CCDC102B: variants seen among roughly 807,000 people sequenced by gnomAD.
The protein encoded by CCDC102B is coiled-coil domain-containing protein 102B.
In CCDC102B, 75 loss-of-function variants were observed where a neutral mutation model predicts 57.4. The observed-to-expected ratio is 1.31, with a 90% CI of 1.08 to 1.58. The LOEUF (loss-of-function observed/expected upper bound fraction) is 1.58, where lower values mean the gene tolerates loss of function less well. CCDC102B is among the 40% of genes most tolerant of loss of function. The probability of loss-of-function intolerance (pLI) is 0.00; values close to 1 mark genes in which losing one functional copy is unlikely to be tolerated. For missense variants in CCDC102B, 636 were observed against 582.6 expected, an observed-to-expected ratio of 1.09 and a Z score of -0.94; for synonymous variants, 206 against 201.9, an observed-to-expected ratio of 1.02 and a Z score of -0.17.
At chr18:68,865,626 A>G (rs62097624) in intron 4 of CCDC102B, among the ~76,000 whole-genome samples, 54,193 of 151,964 alleles carry the variant, frequency 0.36, 10,346 homozygotes, top group East Asian at 0.62. Flanking sequence ...CGCTTTTCAA[A>G]TGAAGGGCAT....
chr18:68,789,861 CGTTGCTGGTGAGGAACTGCGT>C (rs1282469389), intron 2 of CCDC102B, among the ~76,000 whole-genome samples: 1 of 151,796 alleles, frequency 6.6e-6, no homozygotes, highest in Admixed American at 6.6e-5. Context: ...AGCTTTGTTC[CGTTGCTGGTGAGGAACTGCGT>C]TCCTTTGGAG....
chr18:68,923,093 A>G (rs1260404986), intron 6 of CCDC102B, among the ~76,000 whole-genome samples: 1 of 151,860 alleles, frequency 6.6e-6, no homozygotes, highest in Non-Finnish European at 1.5e-5. Context: ...ACTGCCTTCT[A>G]CTCCAAAAAA....
intron 6 of CCDC102B, among the ~76,000 whole-genome samples, chr18:68,994,417 T>C (rs2050959896): frequency 6.6e-6 from 1 of 152,082 alleles, no homozygotes; most frequent in Non-Finnish European, 1.5e-5. Flanking sequence ...GGACACACTC[T>C]CATACCCATT....
At chr18:68,856,315 C>T (rs535470681) in intron 4 of CCDC102B, among the ~76,000 whole-genome samples, 2 of 151,972 alleles carry the variant, frequency 1.3e-5, no homozygotes, top group South Asian at 2.1e-4. Context: ...TTAAGACACA[C>T]GGTGTTGCTC....
At chr18:68,807,037 T>A (rs573971884) in intron 1 of CCDC102B, among the ~76,000 whole-genome samples, 2 of 152,266 alleles carry the variant, frequency 1.3e-5, no homozygotes, top group African/African-American at 4.8e-5. Flanking sequence ...ATTTATCTCC[T>A]TGTTGAAAGG....
chr18:68,973,987 A>G (rs943720349), intron 6 of CCDC102B, among the ~76,000 whole-genome samples: 11 of 152,240 alleles, frequency 7.2e-5, no homozygotes, highest in South Asian at 2.1e-4. Flanking sequence ...GCCACTCTCT[A>G]TATAAGTGAT....
At chr18:68,999,768 T>C (rs149511433) in intron 6 of CCDC102B, among the ~76,000 whole-genome samples, 8 of 152,334 alleles carry the variant, frequency 5.3e-5, no homozygotes, top group Admixed American at 2.0e-4. Flanking sequence ...TTCTCCTAAC[T>C]CTGTTTCTCT....
chr18:68,904,967 C>A (rs1382726171), intron 6 of CCDC102B, among the ~76,000 whole-genome samples: 7 of 152,078 alleles, frequency 4.6e-5, no homozygotes, highest in African/African-American at 1.7e-4. Flanking sequence ...ATCCTCATAA[C>A]TGTGTGTTAA....
intron 2 of CCDC102B, among the ~76,000 whole-genome samples, chr18:68,735,726 C>A (rs1361604669): frequency 2.0e-5 from 3 of 152,172 alleles, no homozygotes; most frequent in Non-Finnish European, 4.4e-5. Flanking sequence ...TGCCCATATC[C>A]AGGACTCTTT....
chr18:68,992,678 T>G (rs1476458215), intron 6 of CCDC102B: 1 of 152,900 alleles, frequency 6.5e-6, no homozygotes, highest in Admixed American at 6.5e-5. Flanking sequence ...CTAGTTGGAA[T>G]GGAAGCTCCA....
chr18:68,790,218 C>T (rs991657843), intron 2 of CCDC102B, among the ~76,000 whole-genome samples: 1 of 151,764 alleles, frequency 6.6e-6, no homozygotes, highest in Non-Finnish European at 1.5e-5. Flanking sequence ...CTGGGAGAAC[C>T]ACTGCTGTCT....
intron 7 of CCDC102B, among the ~76,000 whole-genome samples, chr18:69,035,942 AC>A (rs2052279386): frequency 6.6e-6 from 1 of 152,068 alleles, no homozygotes; most frequent in Admixed American, 6.6e-5. Context: ...TTATAAGGAC[AC>A]CCCACTGTGG....
At chr18:68,936,819 A>G (rs1248716980) in intron 6 of CCDC102B, among the ~76,000 whole-genome samples, 1 of 150,708 alleles carries the variant, frequency 6.6e-6, no homozygotes, top group East Asian at 1.9e-4. Flanking sequence ...ATACACACAT[A>G]TACACATATA....
At chr18:68,894,177 T>C in intron 5 of CCDC102B, among the ~76,000 whole-genome samples, 1 of 152,068 alleles carries the variant, frequency 6.6e-6, no homozygotes, top group East Asian at 1.9e-4. Flanking sequence ...TATATTCAGT[T>C]CCTCTTTGTT....
intron 6 of CCDC102B, among the ~76,000 whole-genome samples, chr18:68,983,853 C>G (rs2050656305): frequency 6.6e-6 from 1 of 151,696 alleles, no homozygotes; most frequent in Admixed American, 6.6e-5. Context: ...ATGCAATTGA[C>G]TAGGGAATGA....
chr18:68,857,170 AATATATAAAAATATAT>A lies in CCDC102B; in HGVS notation c.936+10750_936+10765del, dbSNP rs1568292152. Among the ~76,000 whole-genome samples, 304 of 38,608 alleles carry A rather than the reference AATATATAAAAATATAT, an allele frequency of 7.9e-3. 51 individuals are homozygous for A. Among genetic ancestry groups the A allele is most frequent in the African/African-American group, 0.041 (294 of 7,224 alleles). The allele number at this position is 38,608 out of a possible 152,430, so 25.3% of individuals were successfully genotyped here. On this transcript the variant is annotated intron_variant, in intron 4 of 7. Transcript: ENST00000360242. ...TAAATATATTTATATATTTTTATAT[AATATATAAAAATATAT>A]TTATATATTTTTATATAATATATAA... is the stretch of plus-strand genomic sequence containing the variant.
chr18:68,883,852 C>T (rs2039779771), intron 5 of CCDC102B, among the ~76,000 whole-genome samples: 1 of 152,148 alleles, frequency 6.6e-6, no homozygotes, highest in Non-Finnish European at 1.5e-5. Context: ...ACTTAAGTCC[C>T]TTGGTTAATA....
chr18:68,884,276 GA>G (rs1420202794), intron 5 of CCDC102B, among the ~76,000 whole-genome samples: 9 of 152,036 alleles, frequency 5.9e-5, no homozygotes, highest in Middle Eastern at 3.4e-3. Flanking sequence ...GTTCACTTAT[GA>G]AAAAAATGGT....
At chr18:68,732,567 G>A (rs2032928602) in intron 2 of CCDC102B, among the ~76,000 whole-genome samples, 1 of 151,754 alleles carries the variant, frequency 6.6e-6, no homozygotes, top group Non-Finnish European at 1.5e-5. Context: ...GGCTGGTCTT[G>A]AACTCCTGAC....
Sources: allele counts gnomAD v4.1 joint callset (sites outside exome capture counted in the v4.1 genomes callset), GRCh38; gene constraint gnomAD v4.1.1; transcripts MANE v1.5; gene names NCBI Gene and HGNC (gene_info 2026-07-23, HGNC 2026-07-21).